FHIT: variants seen among roughly 807,000 people sequenced by gnomAD.
FHIT encodes fragile histidine triad diadenosine triphosphatase.
In FHIT, 19 loss-of-function variants were observed where a neutral mutation model predicts 17.9. The ratio of observed to expected loss-of-function variants is 1.06; its 90% confidence interval spans 0.74 to 1.56. The LOEUF is 1.56. Among genes scored for constraint, FHIT ranks in the 40% most tolerant of loss-of-function variants. FHIT has a pLI of 0.00. For synonymous variants in FHIT, 81 were observed against 69.7 expected, an observed-to-expected ratio of 1.16 and a Z score of -0.81; for missense variants, 248 against 189.2, an observed-to-expected ratio of 1.31 and a Z score of -1.82.
intron 5 of FHIT, among the ~76,000 whole-genome samples, chr3:60,533,742 G>A (rs2035873153): frequency 6.6e-6 from 1 of 152,188 alleles, no homozygotes; most frequent in Non-Finnish European, 1.5e-5. Context: ...TCAGGGAACA[G>A]CCGGAAAGAA....
At position 60,447,016 on chromosome 3, in the gene FHIT, T is replaced by G. The variant is rs190283258; in HGVS notation, c.103+89844A>C. On this transcript the variant is annotated intron_variant, in intron 5 of 9. Transcript: ENST00000492590. The stretch of plus-strand genomic sequence containing the variant: ...ACTTCTATGCTTGTCTCTTCAGCCT[T>G]ATGAGATCACCAAAAATTATGTTGC... Among the ~76,000 whole-genome samples, 739 of 152,140 alleles carry G rather than the reference T, an allele frequency of 4.9e-3. 4 individuals carry two copies. The highest frequency in any genetic ancestry group is 0.017 in the African/African-American group (687 of 41,520).
chr3:60,999,081 C>CA, intron 3 of FHIT, among the ~76,000 whole-genome samples: 1 of 152,154 alleles, frequency 6.6e-6, no homozygotes, highest in African/African-American at 2.4e-5. Flanking sequence ...GGCAGCCAAG[C>CA]AAAAAGCTTA....
At chr3:60,594,836 C>G (rs1267329220) in intron 4 of FHIT, among the ~76,000 whole-genome samples, 1 of 152,086 alleles carries the variant, frequency 6.6e-6, no homozygotes, top group Non-Finnish European at 1.5e-5. Context: ...TTAACTTTTC[C>G]CTTCTCCATC....
At chr3:60,550,985 C>A (rs774908224) in intron 4 of FHIT, among the ~76,000 whole-genome samples, 1 of 152,022 alleles carries the variant, frequency 6.6e-6, no homozygotes, top group Non-Finnish European at 1.5e-5. Context: ...GCCTAAGTGT[C>A]AAAGGAAAGG....
chr3:60,299,934 G>A (rs1708377188), intron 5 of FHIT, among the ~76,000 whole-genome samples: 1 of 152,070 alleles, frequency 6.6e-6, no homozygotes, highest in Admixed American at 6.6e-5. Context: ...TTGCTAGACT[G>A]CCCCTTTCCC....
intron 4 of FHIT, among the ~76,000 whole-genome samples, chr3:60,628,974 T>C (rs4679555): frequency 0.73 from 110,218 of 151,790 alleles, 40,380 homozygotes; most frequent in South Asian, 0.84. Flanking sequence ...CAGCATAGAA[T>C]CTGCCTATGA....
intron 2 of FHIT, among the ~76,000 whole-genome samples, chr3:61,044,024 G>A (rs1204118820): frequency 6.6e-6 from 1 of 152,148 alleles, no homozygotes; most frequent in Non-Finnish European, 1.5e-5. Context: ...ACAAAGATGG[G>A]GAGAAACCAG....
At chr3:60,353,089 T>G (rs994454131) in intron 5 of FHIT, among the ~76,000 whole-genome samples, 13 of 152,194 alleles carry the variant, frequency 8.5e-5, no homozygotes, top group African/African-American at 9.6e-5. Context: ...TTTGAAATCA[T>G]TTTTCCTAAA....
intron 4 of FHIT, among the ~76,000 whole-genome samples, chr3:60,718,392 C>T (rs1234253424): frequency 6.6e-6 from 1 of 152,122 alleles, no homozygotes; most frequent in African/African-American, 2.4e-5. Context: ...GAATTAAACA[C>T]ATGGAAACAA....
Position 60,350,620 on chromosome 3 carries a change from C to T in FHIT, c.103+186240G>A, listed in dbSNP as rs533152193. Among the ~76,000 whole-genome samples, 15 of 152,224 alleles carry T rather than the reference C, an allele frequency of 9.9e-5. 1 individual carries two copies. In the South Asian group the frequency reaches 3.1e-3, roughly 32 times the overall value. ...GAGGTGACTTCCTCCCATTTCTTCTCCCTCCTTCCTCCCTGTATTCCACCA... is the reference window on the plus strand; with the variant it reads ...GAGGTGACTTCCTCCCATTTCTTCTTCCTCCTTCCTCCCTGTATTCCACCA... On this transcript the variant is annotated intron_variant, in intron 5 of 9. Coordinates refer to ENST00000492590, the MANE Select transcript of FHIT (RefSeq NM_002012.4).
chr3:60,547,784 G>T (rs1372330929), intron 4 of FHIT, among the ~76,000 whole-genome samples: 2 of 150,822 alleles, frequency 1.3e-5, no homozygotes, highest in African/African-American at 2.4e-5. Context: ...GTGTGACTCA[G>T]TGGATGTGTT....
At chr3:60,024,168 G>A (rs1700653584) in intron 5 of FHIT, among the ~76,000 whole-genome samples, 2 of 152,132 alleles carry the variant, frequency 1.3e-5, no homozygotes, top group South Asian at 4.1e-4. Context: ...AGATAACAGT[G>A]TTCTATGCTT....
At chr3:60,129,734 G>C (rs1699452840) in intron 5 of FHIT, among the ~76,000 whole-genome samples, 1 of 152,046 alleles carries the variant, frequency 6.6e-6, no homozygotes, top group Non-Finnish European at 1.5e-5. Context: ...TCAAGTTAAA[G>C]TTAAGGAGAT....
intron 1 of FHIT, among the ~76,000 whole-genome samples, chr3:61,202,204 G>A (rs374803466): frequency 6.8e-4 from 104 of 152,130 alleles, no homozygotes; most frequent in African/African-American, 2.5e-3. Flanking sequence ...GAGCCCCTCT[G>A]CCCGGCTGGC....
At chr3:59,978,406 T>C (rs1043892820) in intron 7 of FHIT, among the ~76,000 whole-genome samples, 7 of 152,012 alleles carry the variant, frequency 4.6e-5, no homozygotes, top group African/African-American at 1.7e-4. Flanking sequence ...ACAATATTAC[T>C]ATGCTTTAGA....
intron 5 of FHIT, among the ~76,000 whole-genome samples, chr3:60,499,043 C>T (rs2034416319): frequency 1.1e-5 from 1 of 90,626 alleles, no homozygotes; most frequent in Non-Finnish European, 2.1e-5. Flanking sequence ...ACTATAGTTC[C>T]TATAAATGCT....
chr3:60,410,338 C>G (rs1471191912), intron 5 of FHIT, among the ~76,000 whole-genome samples: 1 of 152,060 alleles, frequency 6.6e-6, no homozygotes, highest in African/African-American at 2.4e-5. Context: ...AAAAGAAAGT[C>G]TATGTCTAAA....
intron 8 of FHIT, among the ~76,000 whole-genome samples, chr3:59,814,604 G>A (rs1476991067): frequency 6.6e-6 from 1 of 152,150 alleles, no homozygotes; most frequent in Non-Finnish European, 1.5e-5. Flanking sequence ...GGACCAAGTG[G>A]ACTCCATCCC....
chr3:60,547,058 A>T (rs533429776), intron 4 of FHIT, among the ~76,000 whole-genome samples: 1 of 152,310 alleles, frequency 6.6e-6, no homozygotes, highest in Non-Finnish European at 1.5e-5. Context: ...TTGATGGGAA[A>T]ATTTGTGCAT....
Sources: gnomAD v4.1 joint callset for allele counts (sites outside exome capture counted in the v4.1 genomes callset) on GRCh38, gnomAD v4.1.1 for gene constraint, MANE v1.5 for transcripts, NCBI Gene and HGNC (gene_info 2026-07-23, HGNC 2026-07-21) for gene names.